The following KCNN3 variants were observed in gnomAD, a reference collection of about 807,000 sequenced individuals.
KCNN3 encodes potassium calcium-activated channel subfamily N member 3.
In KCNN3, 16 loss-of-function variants were observed where a neutral mutation model predicts 62.9. The ratio of observed to expected loss-of-function variants is 0.25; its 90% CI spans 0.17 to 0.39. The LOEUF is 0.39. KCNN3 is among the 10% of genes least tolerant of loss of function. KCNN3 has a pLI of 1.00. For missense variants in KCNN3, 599 were observed against 949.4 expected (o/e 0.63, Z 4.85); for synonymous variants, 370 against 389.2 (o/e 0.95, Z 0.58).
chr1:154,802,159 T>A (rs1649985563), intron 2 of KCNN3, among the ~76,000 whole-genome samples: 1 of 152,224 alleles, frequency 6.6e-6, no homozygotes, highest in South Asian at 2.1e-4. Flanking sequence ...AGGAAGGTAC[T>A]GATATTAGAT....
At chr1:154,757,335 A>T (rs1417113279) in intron 3 of KCNN3, among the ~76,000 whole-genome samples, 1 of 152,194 alleles carries the variant, frequency 6.6e-6, no homozygotes, top group East Asian at 1.9e-4. Context: ...TGTCTCTTTG[A>T]GTCCTGGCTG....
chr1:154,821,739 A>G (rs1182175075), intron 2 of KCNN3, among the ~76,000 whole-genome samples: 2 of 152,178 alleles, frequency 1.3e-5, no homozygotes, highest in Non-Finnish European at 2.9e-5. Flanking sequence ...TTCAGAAAGG[A>G]CAAGAGACAC....
chr1:154,771,169 T>C (rs12077861), intron 3 of KCNN3, among the ~76,000 whole-genome samples: 5,006 of 152,156 alleles, frequency 0.033, 249 homozygotes, highest in African/African-American at 0.11. Context: ...TCGAGGGTGG[T>C]GGAAGGAGGT....
intron 1 of KCNN3, among the ~76,000 whole-genome samples, chr1:154,844,204 A>G (rs529916360): frequency 1.4e-4 from 21 of 152,352 alleles, no homozygotes; most frequent in African/African-American, 4.8e-4. Context: ...GTGACTACAC[A>G]GATTTGCATA....
chr1:154,826,587 G>A (rs564067206), intron 1 of KCNN3, among the ~76,000 whole-genome samples: 4 of 151,598 alleles, frequency 2.6e-5, no homozygotes, highest in East Asian at 1.9e-4. Flanking sequence ...CTGCTCTGGC[G>A]GCCACGCCTT....
At chr1:154,767,534 C>T (rs1245763454) in intron 3 of KCNN3, among the ~76,000 whole-genome samples, 1 of 152,212 alleles carries the variant, frequency 6.6e-6, no homozygotes, top group East Asian at 1.9e-4. Context: ...AGCTGGCAGG[C>T]CACTGCACTG....
At chr1:154,731,245 C>T (rs1700586255) in intron 4 of KCNN3, among the ~76,000 whole-genome samples, 1 of 152,248 alleles carries the variant, frequency 6.6e-6, no homozygotes, top group Non-Finnish European at 1.5e-5. Context: ...TCCCCGGTTT[C>T]CTCGTGACAG....
intron 2 of KCNN3, among the ~76,000 whole-genome samples, chr1:154,797,051 C>T (rs1255198383): frequency 6.6e-6 from 1 of 152,206 alleles, no homozygotes; most frequent in East Asian, 1.9e-4. Context: ...AGCCCTGCGA[C>T]AGTGTCATCT....
chr1:154,850,741 T>C (rs527907058), intron 1 of KCNN3, among the ~76,000 whole-genome samples: 2 of 152,236 alleles, frequency 1.3e-5, no homozygotes, highest in African/African-American at 4.8e-5. Flanking sequence ...AAATTAGGAA[T>C]GCATATCTTT....
chr1:154,854,617 T>G (rs573115108), intron 1 of KCNN3, among the ~76,000 whole-genome samples: 3 of 152,348 alleles, frequency 2.0e-5, no homozygotes, highest in African/African-American at 7.2e-5. Flanking sequence ...CTTTTGTGGG[T>G]TTTTTCTACT....
intron 2 of KCNN3, among the ~76,000 whole-genome samples, chr1:154,803,939 T>C (rs889494239): frequency 4.6e-5 from 7 of 152,222 alleles, no homozygotes; most frequent in Admixed American, 1.3e-4. Flanking sequence ...CAGAGGAACA[T>C]TTTCCAATCC....
chr1:154,726,130 G>C, intron 4 of KCNN3, 104 bp from the exon 5 acceptor site: 1 of 799,354 alleles, frequency 1.3e-6, no homozygotes, highest in Non-Finnish European at 2.1e-6. Context: ...TTTCCTGGGA[G>C]TGGAGTGGGA....
At chr1:154,737,213 G>GTT in intron 3 of KCNN3, 1 of 274,810 alleles carries the variant, frequency 3.6e-6, no homozygotes, top group South Asian at 3.7e-5. Context: ...ATTTGGGGGG[G>GTT]GGGGATAGCT....
intron 1 of KCNN3, among the ~76,000 whole-genome samples, chr1:154,842,978 C>T (rs192672111): frequency 1.3e-5 from 2 of 152,278 alleles, no homozygotes; most frequent in Non-Finnish European, 2.9e-5. Flanking sequence ...TTGTCATACA[C>T]ATTACATGAG....
intron 1 of KCNN3, among the ~76,000 whole-genome samples, chr1:154,860,561 G>A (rs902735978): frequency 7.2e-5 from 11 of 152,162 alleles, no homozygotes; most frequent in African/African-American, 1.7e-4. Flanking sequence ...CCTGCCCTCC[G>A]GAGAACAGCC....
intron 6 of KCNN3, 115 bp downstream of exon 6, chr1:154,714,761 A>G (rs1284605508): frequency 1.4e-6 from 2 of 1,405,820 alleles, no homozygotes; most frequent in Non-Finnish European, 2.0e-6. Flanking sequence ...CCAGTTCACC[A>G]CTCCACTTGT....
At chr1:154,740,215 A>G (rs1412543116) in intron 3 of KCNN3, among the ~76,000 whole-genome samples, 1 of 152,216 alleles carries the variant, frequency 6.6e-6, no homozygotes, top group Non-Finnish European at 1.5e-5. Flanking sequence ...GTTGATGGAC[A>G]GTGGGATAGC....
chr1:154,714,310 T>C (rs1700166151), intron 6 of KCNN3, among the ~76,000 whole-genome samples: 1 of 114,520 alleles, frequency 8.7e-6, no homozygotes, highest in Admixed American at 8.9e-5. Flanking sequence ...GTGTGTGTGG[T>C]TTGTGTGAGG....
At chr1:154,714,457 T>G (rs1209007519) in intron 6 of KCNN3, among the ~76,000 whole-genome samples, 1 of 11,368 alleles carries the variant, frequency 8.8e-5, no homozygotes, top group African/African-American at 4.0e-4. Flanking sequence ...GTGTGGTGTT[T>G]GTGTGTGGTG....
Sources: gnomAD v4.1 joint callset for allele counts (sites outside exome capture counted in the v4.1 genomes callset) on GRCh38, gnomAD v4.1.1 for gene constraint, MANE v1.5 for transcripts, NCBI Gene and HGNC (gene_info 2026-07-23, HGNC 2026-07-21) for gene names.